SAMTOR: variants seen among roughly 807,000 people sequenced by gnomAD.
The protein encoded by SAMTOR is S-adenosylmethionine sensor upstream of mTORC1.
the SAMTOR span, among the ~76,000 whole-genome samples, chr7:112,901,576 C>T: frequency 2.0e-5 from 3 of 152,250 alleles, no homozygotes; most frequent in South Asian, 4.1e-4. Context: ...TGAATCACCC[C>T]GAAACCACCT....
the SAMTOR span, among the ~76,000 whole-genome samples, chr7:112,875,411 A>T: frequency 1.3e-5 from 2 of 152,050 alleles, no homozygotes; most frequent in Non-Finnish European, 2.9e-5. Flanking sequence ...TTCAATTCCA[A>T]TAGTCTCTAC....
At chr7:112,939,297 C>T in the SAMTOR span, 3 of 472,588 alleles carry the variant, frequency 6.3e-6, no homozygotes, top group East Asian at 4.1e-5. Context: ...TTTGTGTGTG[C>T]CGAGACAACA....
chr7:112,842,236 A>G, the SAMTOR span, among the ~76,000 whole-genome samples: 1 of 151,982 alleles, frequency 6.6e-6, no homozygotes, highest in Non-Finnish European at 1.5e-5. Flanking sequence ...AGTTTTGTGG[A>G]CCCACTTTGC....
At chr7:112,873,216 T>C in the SAMTOR span, among the ~76,000 whole-genome samples, 1 of 151,774 alleles carries the variant, frequency 6.6e-6, no homozygotes, top group Non-Finnish European at 1.5e-5. Context: ...AAAAAAAAAC[T>C]ATTCTAAAAT....
At chr7:112,839,977 ATG>A in the SAMTOR span, among the ~76,000 whole-genome samples, 8 of 151,826 alleles carry the variant, frequency 5.3e-5, no homozygotes, top group Non-Finnish European at 1.0e-4. Context: ...CTGACAATCT[ATG>A]TTTTAATTGG....
At chr7:112,887,675 T>C in the SAMTOR span, among the ~76,000 whole-genome samples, 1 of 152,214 alleles carries the variant, frequency 6.6e-6, no homozygotes, top group South Asian at 2.1e-4. Context: ...TTTTAGTAGA[T>C]TGTATCTTTC....
chr7:112,839,524 A>G, the SAMTOR span, among the ~76,000 whole-genome samples: 12 of 151,962 alleles, frequency 7.9e-5, no homozygotes, highest in African/African-American at 2.6e-4. Flanking sequence ...CCTTAGTCAA[A>G]AGATCAAACA....
chr7:112,900,947 CAT>C, the SAMTOR span, among the ~76,000 whole-genome samples: 2 of 152,234 alleles, frequency 1.3e-5, no homozygotes, highest in Admixed American at 1.3e-4. Flanking sequence ...TAAAAGGTAA[CAT>C]AGGAGAAAAC....
At chr7:112,939,549 G>C in the SAMTOR span, 1 of 1,613,408 alleles carries the variant, frequency 6.2e-7, no homozygotes, top group Non-Finnish European at 8.5e-7. Context: ...GGTTGGGGGT[G>C]ATGAGGCCTC....
the SAMTOR span, among the ~76,000 whole-genome samples, chr7:112,867,546 T>C: frequency 6.6e-6 from 1 of 152,220 alleles, no homozygotes; most frequent in Non-Finnish European, 1.5e-5. Context: ...ATGGTGTCTA[T>C]AGGTACAATG....
chr7:112,902,530 T>C, the SAMTOR span, among the ~76,000 whole-genome samples: 8 of 151,640 alleles, frequency 5.3e-5, no homozygotes, highest in Non-Finnish European at 7.4e-5. Flanking sequence ...GTTAAACTAT[T>C]CTGTATAATA....
At chr7:112,921,710 C>A in the SAMTOR span, among the ~76,000 whole-genome samples, 2,479 of 131,970 alleles carry the variant, frequency 0.019, 31 homozygotes, top group South Asian at 0.035. Context: ...TGACAAAGGG[C>A]TAATATCCAG....
the SAMTOR span, among the ~76,000 whole-genome samples, chr7:112,833,393 T>TA: frequency 6.6e-6 from 1 of 152,200 alleles, no homozygotes; most frequent in Non-Finnish European, 1.5e-5. Flanking sequence ...ACGGGGATAA[T>TA]AGTGGTATTT....
At chr7:112,868,280 T>C in the SAMTOR span, among the ~76,000 whole-genome samples, 1 of 152,122 alleles carries the variant, frequency 6.6e-6, no homozygotes, top group Non-Finnish European at 1.5e-5. Flanking sequence ...ATAGCAAAAA[T>C]AGTGCGTAAA....
the SAMTOR span, among the ~76,000 whole-genome samples, chr7:112,929,313 A>C: frequency 1.3e-5 from 2 of 151,980 alleles, no homozygotes; most frequent in Non-Finnish European, 2.9e-5. Flanking sequence ...ACAACACAAA[A>C]AATGGCCAAT....
chr7:112,868,883 G>A, the SAMTOR span, among the ~76,000 whole-genome samples: 1 of 152,184 alleles, frequency 6.6e-6, no homozygotes. Flanking sequence ...TTGACTTGCA[G>A]CCAGGGACAG....
At chr7:112,820,714 A>AGTT in the SAMTOR span, 1 of 152,042 alleles carries the variant, frequency 6.6e-6, no homozygotes, top group African/African-American at 2.4e-5. Flanking sequence ...TTTCTGATAA[A>AGTT]GTTTAGATAG....
chr7:112,896,172 A>G, the SAMTOR span, among the ~76,000 whole-genome samples: 6 of 152,102 alleles, frequency 3.9e-5, no homozygotes, highest in African/African-American at 9.7e-5. Context: ...TTATGATAAC[A>G]AAGTCAGGGT....
the SAMTOR span, among the ~76,000 whole-genome samples, chr7:112,868,960 T>G: frequency 6.6e-6 from 1 of 152,148 alleles, no homozygotes; most frequent in African/African-American, 2.4e-5. Flanking sequence ...CTTGGTTGGT[T>G]GCGGGACAGT....
Sources: allele counts gnomAD v4.1 joint callset (sites outside exome capture counted in the v4.1 genomes callset), GRCh38; gene constraint gnomAD v4.1.1; transcripts MANE v1.5; gene names NCBI Gene and HGNC (gene_info 2026-07-23, HGNC 2026-07-21).